Variants in CDC42BPA observed in about 807,000 individuals in gnomAD.
CDC42BPA encodes the protein CDC42 binding protein kinase alpha, also known as serine/threonine-protein kinase MRCK alpha.
Under a neutral mutation model 223.5 loss-of-function variants are expected in CDC42BPA, and 80 were observed. The ratio of observed to expected loss-of-function variants is 0.36; its 90% confidence interval spans 0.30 to 0.43. CDC42BPA has a LOEUF of 0.43. CDC42BPA is among the 20% of genes least tolerant of loss of function. The pLI is 1.00. For missense variants in CDC42BPA, 1,743 were observed against 2,099.9 expected (o/e 0.83, Z 3.32); for synonymous variants, 694 against 718.6 (o/e 0.97, Z 0.55).
intron 5 of CDC42BPA, among the ~76,000 whole-genome samples, chr1:227,170,507 T>C (rs1189604783): frequency 2.0e-5 from 3 of 151,720 alleles, no homozygotes; most frequent in Admixed American, 6.6e-5. Flanking sequence ...GTCACTATAG[T>C]GTTTCAGGGT....
chr1:227,070,911 T>C (rs1247071029), intron 20 of CDC42BPA, among the ~76,000 whole-genome samples: 1 of 151,926 alleles, frequency 6.6e-6, no homozygotes, highest in African/African-American at 2.4e-5. Context: ...GTGCAAGTCA[T>C]ATTCTGCACT....
Position 227,232,786 on chromosome 1 carries a change from AG to A in CDC42BPA, c.271-19568del, listed in dbSNP as rs547275275. ...CCTTCTTCTGGAAGCTTCGTCTCAGAGGGAAACCCGGCTGTATGAGGTGTCA... is the reference window on the plus strand; with the variant it reads ...CCTTCTTCTGGAAGCTTCGTCTCAGAGGAAACCCGGCTGTATGAGGTGTCA... On this transcript the variant is annotated intron_variant, in intron 2 of 36. Coordinates refer to ENST00000366766, the MANE Select transcript of CDC42BPA (RefSeq NM_001394014.1). 3.3e-5 allele frequency among the ~76,000 whole-genome samples: 5 copies of A among 152,320 alleles called. No individual in the cohort carries two copies. The East Asian group carries it at 9.7e-4, about 29-fold the overall frequency.
intron 1 of CDC42BPA, among the ~76,000 whole-genome samples, chr1:227,287,671 C>T (rs931039471): frequency 1.3e-5 from 2 of 151,942 alleles, no homozygotes; most frequent in Non-Finnish European, 1.5e-5. Context: ...CGTGACTAGC[C>T]ACCAATAAAA....
rs115107610 is a variant in CDC42BPA, at chr1:227,210,371, G to T, written c.354+2765C>A. On this transcript the variant is annotated intron_variant, in intron 3 of 36. Coordinates refer to ENST00000366766, the MANE Select transcript of CDC42BPA (RefSeq NM_001394014.1). ...GGGTCTTATACCGTAAGGTCCTGAG[G>T]TCCCTAGCTGGTCTACCTTATTCTC... Among the ~76,000 whole-genome samples the T allele has an allele frequency of 6.0e-3, 916 of 152,190 alleles. 10 individuals are homozygous for T. The highest frequency in any genetic ancestry group is 0.021 in the African/African-American group (863 of 41,526).
intron 5 of CDC42BPA, among the ~76,000 whole-genome samples, chr1:227,191,969 T>TAAAA (rs60130170): frequency 6.8e-6 from 1 of 148,032 alleles, no homozygotes; most frequent in Non-Finnish European, 1.5e-5. Context: ...AAATTTAAAT[T>TAAAA]AAAAAAAAAA....
intron 1 of CDC42BPA, among the ~76,000 whole-genome samples, chr1:227,257,644 CTT>C (rs1683314962): frequency 6.6e-6 from 1 of 150,580 alleles, no homozygotes. Context: ...ATCCCAGCTA[CTT>C]GGGAGGCTGA....
chr1:227,017,890 T>A (rs988958498), intron 32 of CDC42BPA, among the ~76,000 whole-genome samples: 12 of 151,232 alleles, frequency 7.9e-5, no homozygotes, highest in Non-Finnish European at 1.8e-4. Flanking sequence ...AAAGCTGAAG[T>A]GAGAAGGAGG....
At chr1:227,192,014 T>C (rs1410338080) in intron 5 of CDC42BPA, among the ~76,000 whole-genome samples, 1 of 150,746 alleles carries the variant, frequency 6.6e-6, no homozygotes, top group Non-Finnish European at 1.5e-5. Context: ...CATTTCCATA[T>C]CTTTATTTTC....
At chr1:227,122,828 C>T (rs1347276709) in intron 11 of CDC42BPA, among the ~76,000 whole-genome samples, 1 of 152,184 alleles carries the variant, frequency 6.6e-6, no homozygotes, top group Non-Finnish European at 1.5e-5. Flanking sequence ...CCAGAATGCT[C>T]TGAACTTTGG....
At chr1:227,217,694 C>T (rs1165498626) in intron 2 of CDC42BPA, among the ~76,000 whole-genome samples, 1 of 152,108 alleles carries the variant, frequency 6.6e-6, no homozygotes, top group Non-Finnish European at 1.5e-5. Context: ...GGCCCTCCAC[C>T]TTCCCTGACC....
intron 14 of CDC42BPA, among the ~76,000 whole-genome samples, chr1:227,102,303 G>A (rs1237209779): frequency 2.0e-5 from 3 of 152,022 alleles, no homozygotes; most frequent in African/African-American, 7.2e-5. Context: ...ACCATTTATC[G>A]AAAAAATACT....
intron 10 of CDC42BPA, among the ~76,000 whole-genome samples, chr1:227,132,416 G>T (rs1054007023): frequency 6.6e-6 from 1 of 150,552 alleles, no homozygotes; most frequent in African/African-American, 2.5e-5. Flanking sequence ...TGCAGACGGA[G>T]TCTCGTTCAC....
chr1:227,011,336 C>T (rs1665163989), intron 34 of CDC42BPA, among the ~76,000 whole-genome samples: 1 of 152,096 alleles, frequency 6.6e-6, no homozygotes, highest in Admixed American at 6.6e-5. Context: ...ACAAGACTTT[C>T]AGAGTTTAGT....
intron 20 of CDC42BPA, among the ~76,000 whole-genome samples, 191 bp from the exon 21 acceptor site, chr1:227,070,044 C>G (rs1332855443): frequency 1.3e-5 from 2 of 151,890 alleles, no homozygotes; most frequent in Middle Eastern, 3.4e-3. Flanking sequence ...CTTAATAGTT[C>G]AATTACATCA....
At chr1:227,102,799 T>C (rs1401720086) in intron 14 of CDC42BPA, among the ~76,000 whole-genome samples, 2 of 147,194 alleles carry the variant, frequency 1.4e-5, no homozygotes, top group African/African-American at 5.2e-5. Flanking sequence ...TTAATAAATG[T>C]GTCATAAAAT....
intron 11 of CDC42BPA, among the ~76,000 whole-genome samples, chr1:227,122,190 C>T (rs1327367659): frequency 6.6e-6 from 1 of 152,186 alleles, no homozygotes; most frequent in Non-Finnish European, 1.5e-5. Context: ...AGGCAGCTGA[C>T]TTCTGTCACT....
chr1:227,242,220 T>C (rs1680148824), intron 2 of CDC42BPA, among the ~76,000 whole-genome samples: 1 of 152,148 alleles, frequency 6.6e-6, no homozygotes. Context: ...AGTTAGCTCC[T>C]ATTAATGATA....
chr1:227,197,402 T>G (rs1670934732), intron 4 of CDC42BPA, among the ~76,000 whole-genome samples: 1 of 152,170 alleles, frequency 6.6e-6, no homozygotes, highest in African/African-American at 2.4e-5. Context: ...TACAGGAGAT[T>G]TGACTACTAG....
At chr1:227,269,168 G>A (rs1003517517) in intron 1 of CDC42BPA, among the ~76,000 whole-genome samples, 4 of 152,200 alleles carry the variant, frequency 2.6e-5, no homozygotes, top group African/African-American at 7.2e-5. Context: ...TAAACAAATA[G>A]GTGGGGCTAT....
Sources: allele counts gnomAD v4.1 joint callset (sites outside exome capture counted in the v4.1 genomes callset), GRCh38; gene constraint gnomAD v4.1.1; transcripts MANE v1.5; gene names NCBI Gene and HGNC (gene_info 2026-07-23, HGNC 2026-07-21).